Variants in CDC20B observed in about 807,000 individuals in gnomAD.
The protein encoded by CDC20B is cell division cycle 20B.
In CDC20B, 58 loss-of-function variants were observed where a neutral mutation model predicts 64.1. The observed-to-expected ratio is 0.90, with a 90% CI of 0.73 to 1.13. The LOEUF is 1.13. CDC20B is among the 50% of genes most tolerant of loss of function. The pLI, the probability that CDC20B is intolerant of heterozygous loss-of-function variation, is 0.00. For missense variants in CDC20B, 597 were observed against 633.0 expected (o/e 0.94, Z 0.61); for synonymous variants, 243 against 230.6 (o/e 1.05, Z -0.49).
At position 55,127,313 on chromosome 5, in the gene CDC20B, C is replaced by G; in HGVS notation, c.933G>C (p.Met311Ile). The G allele has an allele frequency of 6.2e-7, 1 of 1,614,090 alleles. No homozygotes were observed. The highest frequency in any genetic ancestry group is 1.7e-5 in the Admixed American group (1 of 60,022). The stretch of plus-strand genomic sequence containing the variant: ...CCCCAACTACTGACAAATGACCAAG[C>G]ATATTTCTCAGCCGCTTTTTAGTTA... ...DVVTKKRLRN[M>I]LGHLSVVGAL... is the part of the protein sequence containing the mutation. Residue 311 changes from methionine (M) to isoleucine (I), a missense_variant, in exon 8 of 12, where the codon ATG (methionine) becomes ATC (isoleucine). Physicochemically the swap from Met to Ile is conservative, Grantham distance 10. Around this residue, in one of 3 missense-constraint regions of CDC20B, gnomAD observed 353 missense variants for 397.0 expected, o/e 0.89. Coordinates refer to ENST00000381375, the MANE Select transcript of CDC20B (RefSeq NM_001170402.1).
chr5:55,141,072 C>T (rs1743315610), intron 4 of CDC20B, among the ~76,000 whole-genome samples: 1 of 152,136 alleles, frequency 6.6e-6, no homozygotes, highest in South Asian at 2.1e-4. Context: ...AGAACTACGC[C>T]AAAGGTCATG....
At chr5:55,120,340 G>T in intron 10 of CDC20B, 85 bp downstream of exon 10, 2 of 1,487,886 alleles carry the variant, frequency 1.3e-6, no homozygotes, top group African/African-American at 1.4e-5. Context: ...AAGAGAGCTT[G>T]TTGGGGGCAT....
intron 2 of CDC20B, chr5:55,160,816 C>T (rs1744004251): frequency 1.6e-6 from 1 of 606,164 alleles, no homozygotes; most frequent in Non-Finnish European, 2.7e-6. Context: ...ATTTCAGGGC[C>T]TTAACCCAGG....
At chr5:55,146,093 G>A (rs1410555782) in intron 3 of CDC20B, among the ~76,000 whole-genome samples, 1 of 152,024 alleles carries the variant, frequency 6.6e-6, no homozygotes, top group Non-Finnish European at 1.5e-5. Flanking sequence ...TTAAAATTAA[G>A]CTAAATTTTG....
chr5:55,166,351 C>T (rs1744385049), intron 2 of CDC20B: 1 of 152,250 alleles, frequency 6.6e-6, no homozygotes, highest in Non-Finnish European at 1.5e-5. Flanking sequence ...ACTTACATCT[C>T]TCTAATCTTG....
intron 2 of CDC20B, among the ~76,000 whole-genome samples, chr5:55,148,882 C>T (rs1176779907): frequency 6.6e-6 from 1 of 152,200 alleles, no homozygotes; most frequent in Non-Finnish European, 1.5e-5. Flanking sequence ...AGTGAAGAAA[C>T]TGAGGCTTAG....
intron 3 of CDC20B, 108 bp from the exon 4 acceptor site, chr5:55,143,751 C>A: frequency 8.9e-7 from 1 of 1,121,146 alleles, no homozygotes; most frequent in East Asian, 2.5e-5. Flanking sequence ...TGAAAAAGCC[C>A]AGGCTCTCGT....
chr5:55,140,646 C>T (rs1743304931), intron 4 of CDC20B, among the ~76,000 whole-genome samples: 1 of 152,140 alleles, frequency 6.6e-6, no homozygotes. Context: ...CTCCATAGAG[C>T]AGGTATTTTT....
At chr5:55,126,104 G>A (rs1231048952) in intron 8 of CDC20B, among the ~76,000 whole-genome samples, 1 of 152,190 alleles carries the variant, frequency 6.6e-6, no homozygotes, top group Admixed American at 6.5e-5. Context: ...AAAGGAGCTT[G>A]AGTACATAAT....
intron 5 of CDC20B, 37 bp downstream of exon 5, chr5:55,140,277 G>A (rs377118253): frequency 5.1e-5 from 62 of 1,217,870 alleles, no homozygotes; most frequent in Admixed American, 6.3e-5. Context: ...AGAGAGAGAG[G>A]AGCGCAGGAA....
rs115091611 is a variant in CDC20B, at chr5:55,122,567, C to T, written c.1216-2017G>A. 1.5e-3 allele frequency among the ~76,000 whole-genome samples: 232 copies of T among 152,326 alleles called. 1 individual carries two copies. The highest frequency in any genetic ancestry group is 5.2e-3 in the African/African-American group (217 of 41,570). On this transcript the variant is annotated intron_variant, in intron 9 of 11. Transcript: ENST00000381375. ...AATAGGTACAATCTAATTCCTCTAC[C>T]TTTGAATGTGGGACTTGTGACTATC...
chr5:55,132,372 C>T (rs1447884822), intron 6 of CDC20B, among the ~76,000 whole-genome samples: 1 of 152,120 alleles, frequency 6.6e-6, no homozygotes, highest in African/African-American at 2.4e-5. Flanking sequence ...ATCATCTGAC[C>T]TACGGGCTAG....
chr5:55,122,208 T>G (rs577403854), intron 9 of CDC20B, among the ~76,000 whole-genome samples: 1 of 152,304 alleles, frequency 6.6e-6, no homozygotes, highest in South Asian at 2.1e-4. Context: ...AATCACCTAC[T>G]TTATTTGGAC....
At position 55,114,270 on chromosome 5, in the gene CDC20B, C is replaced by T. The variant is rs777145572; in HGVS notation, c.1508G>A (p.Arg503Gln). ...CCCATCAGCTGCAGCAGAAAACACC[C>T]GGGTCTGGTCTGGACTCAAAGACAG... Reference protein sequence around the residue: ...LHLSLSPDQTRVFSAAADGTA... With the variant: ...LHLSLSPDQTQVFSAAADGTA... The change falls in exon 12 of 12, where the codon CGG (arginine) becomes CAG (glutamine). Residue 503 changes from arginine to glutamine, a missense_variant. Transcript: ENST00000381375. This position sits in a 1 kb window ranked among gnomAD's most constrained non-coding sequence, Gnocchi z 4.1. 16 of 1,613,844 alleles carry T rather than the reference C, an allele frequency of 9.9e-6. 1 individual carries two copies. The highest frequency in any genetic ancestry group is 5.5e-5 in the South Asian group (5 of 91,068).
chr5:55,114,445 G>A lies in CDC20B; in HGVS notation c.1460-127C>T, dbSNP rs1384924359. Reference sequence around the variant, plus strand: ...ATAAAGGGCTTTCCCACACCCACCAGGTTCAGAGCTGCCACCAACTGAGCC... The same window carrying A: ...ATAAAGGGCTTTCCCACACCCACCAAGTTCAGAGCTGCCACCAACTGAGCC... On this transcript the variant is annotated intron_variant, in intron 11 of 11. Transcript: ENST00000381375. This position sits in a 1 kb window ranked among gnomAD's most constrained non-coding sequence, Gnocchi z 4.1. The A allele has an allele frequency of 3.4e-6, 5 of 1,452,848 alleles. No homozygotes were observed. The East Asian group carries it at 1.2e-4, about 35-fold the overall frequency. The allele number at this position is 1,452,848 out of a possible 1,614,324, so 90.0% of individuals were successfully genotyped here. A position where few individuals can be genotyped will look rare whatever the true frequency, so the allele number is the denominator to read the frequency against.
At chr5:55,140,717 A>G (rs545103727) in intron 4 of CDC20B, among the ~76,000 whole-genome samples, 2 of 152,332 alleles carry the variant, frequency 1.3e-5, no homozygotes, top group South Asian at 2.1e-4. Context: ...CCTATACACC[A>G]TAGGCCAGTG....
At chr5:55,164,145 C>G (rs1183783579) in intron 2 of CDC20B, 1 of 1,603,258 alleles carries the variant, frequency 6.2e-7, no homozygotes, top group South Asian at 1.1e-5. Flanking sequence ...CCAGAGGAGC[C>G]CATTGAAGTC....
At chr5:55,172,390 C>T (rs1744630366) in intron 2 of CDC20B, 198 bp downstream of exon 2, 1 of 536,874 alleles carries the variant, frequency 1.9e-6, no homozygotes, top group Middle Eastern at 2.8e-4. Flanking sequence ...CTAGAAAGTA[C>T]GATTCAGATG....
At chr5:55,164,326 G>A in intron 2 of CDC20B, 2 of 750,208 alleles carry the variant, frequency 2.7e-6, no homozygotes, top group Non-Finnish European at 3.9e-6. Context: ...CACCCAGGCT[G>A]GAGTGCAGTA....
Sources: gnomAD v4.1 joint callset for allele counts (sites outside exome capture counted in the v4.1 genomes callset) on GRCh38, gnomAD v4.1.1 for gene constraint, gnomAD v4.1.1 regional missense constraint, Gnocchi (gnomAD v3.1) non-coding constraint, MANE v1.5 for transcripts, NCBI Gene and HGNC (gene_info 2026-07-23, HGNC 2026-07-21) for gene names.